DISP3: variants seen among roughly 807,000 people sequenced by gnomAD.
The protein encoded by DISP3 is dispatched RND transporter family member 3.
DISP3 carries 101 observed loss-of-function variants against 135.3 expected under a neutral mutation model. The observed-to-expected ratio is 0.75, with a 90% confidence interval of 0.64 to 0.88. The LOEUF (loss-of-function observed/expected upper bound fraction) is 0.88. Ranked by LOEUF, DISP3 falls within the 40% of genes least tolerant of loss-of-function variation. The pLI, the probability that DISP3 is intolerant of heterozygous loss-of-function variation, is 0.00. For missense variants in DISP3, 1,713 were observed against 1,878.6 expected (o/e 0.91, Z 1.63); for synonymous variants, 856 against 817.0 (o/e 1.05, Z -0.81).
intron 11 of DISP3, 150 bp from the exon 12 acceptor site, chr1:11,525,026 A>C: frequency 1.2e-6 from 1 of 853,094 alleles, no homozygotes. Context: ...GACCTGGTCC[A>C]GTAGAGAGGG....
At chr1:11,530,751 G>C (rs1016487352) in intron 15 of DISP3, among the ~76,000 whole-genome samples, 156 bp from the exon 16 acceptor site, 1 of 152,160 alleles carries the variant, frequency 6.6e-6, no homozygotes, top group African/African-American at 2.4e-5. Flanking sequence ...GAGGGTTAGG[G>C]TGGAGCAGTG....
In DISP3 at chr1:11,520,285, A is replaced by C. The variant is rs556188186; in HGVS notation, c.2201-402A>C. On this transcript the variant is annotated intron_variant, in intron 9 of 20. Coordinates refer to ENST00000294484, the MANE Select transcript of DISP3 (RefSeq NM_020780.2). This position sits in a 1 kb window ranked among gnomAD's most constrained non-coding sequence, Gnocchi z 4.8. ...CTGTCAGTGGAGAGTATGTATAAAG[A>C]CCTCAGCCCAGCGCGTGGCGTGCGG... Among the ~76,000 whole-genome samples, 1 of 152,112 alleles carries C rather than the reference A, an allele frequency of 6.6e-6. No homozygotes were observed. Among genetic ancestry groups the C allele is most frequent in the East Asian group, 1.9e-4 (1 of 5,156 alleles).
intron 1 of DISP3, among the ~76,000 whole-genome samples, chr1:11,498,112 CA>C (rs1641392287): frequency 6.6e-6 from 1 of 152,236 alleles, no homozygotes; most frequent in Admixed American, 6.5e-5. Context: ...TATGGAGCCA[CA>C]CATACAGAAC....
chr1:11,501,860 T>C lies in DISP3; in HGVS notation c.868T>C (p.Phe290Leu), dbSNP rs1641542904. 1 of 1,612,800 alleles carries C rather than the reference T, an allele frequency of 6.2e-7. No homozygotes were observed. Among genetic ancestry groups the C allele is most frequent in the African/African-American group, 1.3e-5 (1 of 74,930 alleles). ...GCGCGGCGACGCGGAGCGCAACATTTTCACCAGTGAGCGCCTGGTCACGAT... is the reference window on the plus strand; with the variant it reads ...GCGCGGCGACGCGGAGCGCAACATTCTCACCAGTGAGCGCCTGGTCACGAT... ...LARGDAERNI[F>L]TSERLVTIHE... Residue 290 changes from phenylalanine (F) to leucine (L), a missense_variant, in exon 2 of 21, where the codon TTC becomes CTC. By Grantham distance (22) the Phe-to-Leu change is conservative. Around this residue, in one of 2 missense-constraint regions of DISP3, gnomAD observed 571 missense variants for 494.1 expected, o/e 1.16. Coordinates refer to ENST00000294484, the MANE Select transcript of DISP3 (RefSeq NM_020780.2). This position sits in a 1 kb window ranked among gnomAD's most constrained non-coding sequence, Gnocchi z 4.9.
chr1:11,522,771 G>A (rs878958289), intron 10 of DISP3, among the ~76,000 whole-genome samples: 337 of 39,210 alleles, frequency 8.6e-3, no homozygotes, highest in Middle Eastern at 0.019. Flanking sequence ...ACCCAGCCAG[G>A]ACCCAGCCAG....
chr1:11,497,748 C>T (rs944281477), intron 1 of DISP3, among the ~76,000 whole-genome samples: 4 of 152,208 alleles, frequency 2.6e-5, no homozygotes, highest in Non-Finnish European at 5.9e-5. Context: ...TCAGTGAGAA[C>T]ATACGATGCT....
intron 20 of DISP3, among the ~76,000 whole-genome samples, 167 bp downstream of exon 20, chr1:11,535,811 G>C (rs375372267): frequency 6.6e-6 from 1 of 152,082 alleles, no homozygotes; most frequent in Non-Finnish European, 1.5e-5. Flanking sequence ...AAGCCCCAGG[G>C]ACTCAAGTTC....
chr1:11,514,948 A>G lies in DISP3; in HGVS notation c.1454-421A>G, dbSNP rs145965461. ...CTAGCTGCTGCTTACTCCTGTCTGT[A>G]TACAGTAGGCACACTCTACTGCCCA... On this transcript the variant is annotated intron_variant, in intron 4 of 20. Transcript: ENST00000294484. Among the ~76,000 whole-genome samples the G allele has an allele frequency of 4.6e-5, 7 of 152,288 alleles. No individual in the cohort carries two copies. In the East Asian group the frequency reaches 1.4e-3, roughly 29 times the overall value.
chr1:11,515,548 A>G, intron 5 of DISP3, 45 bp downstream of exon 5: 1 of 1,561,412 alleles, frequency 6.4e-7, no homozygotes, highest in Non-Finnish European at 8.7e-7. Flanking sequence ...CCACATGGGA[A>G]GTCTGCCCCA....
intron 3 of DISP3, among the ~76,000 whole-genome samples, chr1:11,503,510 G>A (rs1272487742): frequency 2.6e-5 from 4 of 152,144 alleles, no homozygotes; most frequent in African/African-American, 7.2e-5. Flanking sequence ...CCTGGAGTCC[G>A]AAGGCCAGAG....
At chr1:11,530,829 A>G (rs1642556449) in intron 15 of DISP3, 78 bp from the exon 16 acceptor site, 6 of 1,567,562 alleles carry the variant, frequency 3.8e-6, no homozygotes, top group Non-Finnish European at 5.2e-6. Flanking sequence ...GTTCTGCCCC[A>G]GGGTTGGGGG....
chr1:11,521,303 A>G (rs1243327329), intron 10 of DISP3, among the ~76,000 whole-genome samples: 1 of 87,106 alleles, frequency 1.1e-5, no homozygotes, highest in African/African-American at 4.6e-5. Context: ...AAAGGAGGGA[A>G]GGGGTGGGGT....
rs1436955863 is a variant in DISP3 at position 11,491,784 on chromosome 1, G to T, written c.-3-9206G>T. ...GGGAGTCCGCTCCAGTTGACTTGGG[G>T]ACCTGCCTACAGCAGGGGCCAGTCC... On this transcript the variant is annotated intron_variant, in intron 1 of 20. Transcript: ENST00000294484. This position sits in a 1 kb window ranked among gnomAD's most constrained non-coding sequence, Gnocchi z 4.3. Among the ~76,000 whole-genome samples, 1 of 152,142 alleles carries T rather than the reference G, an allele frequency of 6.6e-6. No individual in the cohort carries two copies. The highest frequency in any genetic ancestry group is 2.4e-5 in the African/African-American group (1 of 41,420).
At chr1:11,518,939 A>C (rs924941669) in intron 7 of DISP3, among the ~76,000 whole-genome samples, 2 of 152,088 alleles carry the variant, frequency 1.3e-5, no homozygotes, top group Non-Finnish European at 2.9e-5. Flanking sequence ...TGTTCACTCC[A>C]GCTGAGACCT....
chr1:11,531,665 C>T lies in DISP3; in HGVS notation c.3330C>T (p.Gly1110=), dbSNP rs758735880. 1.6e-5 allele frequency: 26 copies of T among 1,612,188 alleles called. No homozygotes were observed. The highest frequency in any genetic ancestry group is 1.1e-4 in the East Asian group (5 of 44,870). ...GGCAGCTGTCCCACGGGGCAGTGGG[C>T]GTCAGGGAGGGCCGCGTGCAGTGGA... is the stretch of plus-strand genomic sequence containing the variant. The part of the protein sequence containing the change: ...LPGQLSHGAV[G]VREGRVQWIS... Residue 1110 remains glycine (G), a synonymous_variant, in exon 17 of 21, where the codon GGC becomes GGT. Coordinates refer to ENST00000294484, the MANE Select transcript of DISP3 (RefSeq NM_020780.2). The surrounding 1 kb of genome is among the most constrained non-coding windows in gnomAD (Gnocchi z 5.2).
intron 1 of DISP3, among the ~76,000 whole-genome samples, chr1:11,490,805 G>A (rs954278649): frequency 1.3e-5 from 2 of 152,176 alleles, no homozygotes; most frequent in Admixed American, 1.3e-4. Flanking sequence ...GCTCAGCTCT[G>A]TAAGCAGCCT....
chr1:11,501,830 C>G lies in DISP3; in HGVS notation c.838C>G (p.Leu280Val). Residue 280 changes from leucine (L) to valine (V), a missense_variant, in exon 2 of 21, where the codon CTG becomes GTG. By Grantham distance (32) the Leu-to-Val change is conservative. Coordinates refer to ENST00000294484, the MANE Select transcript of DISP3 (RefSeq NM_020780.2). The surrounding 1 kb of genome is among the most constrained non-coding windows in gnomAD (Gnocchi z 4.9). Reference protein sequence around the residue: ...HAHWRIELIFLARGDAERNIF... With the variant: ...HAHWRIELIFVARGDAERNIF... ...GCACTGGCGCATCGAGCTCATCTTCCTGGCGCGCGGCGACGCGGAGCGCAA... is the reference window on the plus strand; with the variant it reads ...GCACTGGCGCATCGAGCTCATCTTCGTGGCGCGCGGCGACGCGGAGCGCAA... 1 of 1,611,228 alleles carries G rather than the reference C, an allele frequency of 6.2e-7. No homozygotes were observed. Among genetic ancestry groups the G allele is most frequent in the Non-Finnish European group, 8.5e-7 (1 of 1,178,752 alleles).
chr1:11,492,742 T>G (rs998591303), intron 1 of DISP3, among the ~76,000 whole-genome samples: 5 of 152,318 alleles, frequency 3.3e-5, no homozygotes, highest in African/African-American at 1.2e-4. Flanking sequence ...CAAAGCCAGG[T>G]TTCCCTGGGG....
chr1:11,533,745 A>ACGCACACACG (rs1557623923), intron 17 of DISP3: 9 of 275,390 alleles, frequency 3.3e-5, no homozygotes, highest in Non-Finnish European at 5.8e-5. Flanking sequence ...ATGCACACAC[A>ACGCACACACG]CACGCAGACC....
Sources: allele counts gnomAD v4.1 joint callset (sites outside exome capture counted in the v4.1 genomes callset), GRCh38; gene constraint gnomAD v4.1.1; regional missense constraint gnomAD v4.1.1; non-coding constraint Gnocchi (gnomAD v3.1); transcripts MANE v1.5; gene names NCBI Gene and HGNC (gene_info 2026-07-23, HGNC 2026-07-21).